Variants in LDLRAD4 observed in about 807,000 individuals in gnomAD.
LDLRAD4 encodes the protein low-density lipoprotein receptor class A domain-containing protein 4.
A neutral mutation model predicts 17.0 loss-of-function variants in LDLRAD4; 5 were observed. That is an observed-to-expected ratio of 0.29 (90% CI 0.15 to 0.62). The LOEUF (loss-of-function observed/expected upper bound fraction) is 0.62. Ranked by LOEUF, LDLRAD4 falls within the 20% of genes least tolerant of loss-of-function variation. The pLI is 0.84. For synonymous variants in LDLRAD4, 168 were observed against 171.8 expected, an observed-to-expected ratio of 0.98 and a Z score of 0.17; for missense variants, 340 against 424.7, an observed-to-expected ratio of 0.80 and a Z score of 1.75.
At position 13,312,698 on chromosome 18, in the gene LDLRAD4, C is replaced by T. The variant is rs1599326190; in HGVS notation, c.-383+34510C>T. On this transcript the variant is annotated intron_variant, in intron 1 of 5. Transcript: ENST00000359446. Reference sequence around the variant, plus strand: ...TCCAGACTGTAGTGAGCTGTGATCGCACCACCGCACTCCAGCCTGGGCAAC... The same window carrying T: ...TCCAGACTGTAGTGAGCTGTGATCGTACCACCGCACTCCAGCCTGGGCAAC... 3.3e-5 allele frequency among the ~76,000 whole-genome samples: 5 copies of T among 152,184 alleles called. No homozygotes were observed. The South Asian group carries it at 1.0e-3, about 32-fold the overall frequency.
At chr18:13,288,504 C>G (rs1049858267) in intron 1 of LDLRAD4, among the ~76,000 whole-genome samples, 1 of 152,186 alleles carries the variant, frequency 6.6e-6, no homozygotes, top group Non-Finnish European at 1.5e-5. Flanking sequence ...CTGAAAAATT[C>G]TATTTCAACA....
intron 3 of LDLRAD4, among the ~76,000 whole-genome samples, chr18:13,519,330 G>A (rs1035378083): frequency 1.3e-5 from 2 of 152,072 alleles, no homozygotes; most frequent in African/African-American, 4.8e-5. Context: ...CAACCTACGT[G>A]GCTCTCCCTG....
intron 1 of LDLRAD4, among the ~76,000 whole-genome samples, chr18:13,223,950 G>A (rs2041608993): frequency 6.6e-6 from 1 of 152,212 alleles, no homozygotes; most frequent in Admixed American, 6.5e-5. Context: ...CTGGGTCAGG[G>A]ATTCTTCATC....
intron 1 of LDLRAD4, among the ~76,000 whole-genome samples, chr18:13,244,111 A>G (rs988236074): frequency 7.3e-6 from 1 of 137,772 alleles, no homozygotes; most frequent in African/African-American, 2.8e-5. Context: ...CCATTCATCT[A>G]TCCACCATGA....
At chr18:13,435,095 G>T (rs1408140437) in intron 2 of LDLRAD4, among the ~76,000 whole-genome samples, 1 of 152,226 alleles carries the variant, frequency 6.6e-6, no homozygotes, top group Non-Finnish European at 1.5e-5. Flanking sequence ...CAATAATCTC[G>T]TGATTAGAGG....
intron 3 of LDLRAD4, among the ~76,000 whole-genome samples, chr18:13,548,117 T>C (rs555035032): frequency 6.6e-6 from 1 of 151,688 alleles, no homozygotes; most frequent in African/African-American, 2.4e-5. Context: ...AGACCCAGAG[T>C]GGGTGGCTCC....
intron 2 of LDLRAD4, among the ~76,000 whole-genome samples, chr18:13,414,180 A>T (rs755699233): frequency 2.0e-5 from 3 of 152,160 alleles, no homozygotes; most frequent in Non-Finnish European, 4.4e-5. Flanking sequence ...CTGCCTTAGC[A>T]GGCAAGACTC....
rs1466606091 is a variant in LDLRAD4, at chr18:13,314,930, G to A, written c.-383+36742G>A. On this transcript the variant is annotated intron_variant, in intron 1 of 5. Transcript: ENST00000359446. ...TGTTGTTGTAGAGATGTTCTCGTAC[G>A]TTGCCCAGGCTGGCCTCAAGGGATC... Among the ~76,000 whole-genome samples the A allele has an allele frequency of 8.5e-5, 13 of 152,144 alleles. 1 individual carries two copies. The highest frequency in any genetic ancestry group is 5.9e-4 in the Admixed American group (9 of 15,268).
At chr18:13,458,176 T>C (rs2092244606) in intron 3 of LDLRAD4, among the ~76,000 whole-genome samples, 1 of 152,140 alleles carries the variant, frequency 6.6e-6, no homozygotes, top group African/African-American at 2.4e-5. Flanking sequence ...AGGAGCCTGC[T>C]GCTGATGCTG....
chr18:13,581,131 C>G (rs1403804901), intron 3 of LDLRAD4, among the ~76,000 whole-genome samples: 4 of 152,090 alleles, frequency 2.6e-5, no homozygotes, highest in African/African-American at 9.7e-5. Context: ...ATACACATGG[C>G]CTGAAGGTAA....
chr18:13,248,926 T>A (rs1303768928), intron 1 of LDLRAD4, among the ~76,000 whole-genome samples: 3 of 152,234 alleles, frequency 2.0e-5, no homozygotes, highest in Non-Finnish European at 4.4e-5. Context: ...TCCCAACTTC[T>A]AGTATTCCCT....
intron 3 of LDLRAD4, among the ~76,000 whole-genome samples, chr18:13,586,008 A>G (rs960417868): frequency 6.6e-6 from 1 of 152,204 alleles, no homozygotes; most frequent in African/African-American, 2.4e-5. Flanking sequence ...CAAGCTAGCT[A>G]ATGTCACACA....
intron 1 of LDLRAD4, among the ~76,000 whole-genome samples, chr18:13,307,579 C>T (rs6650618): frequency 6.6e-6 from 1 of 152,030 alleles, no homozygotes; most frequent in Admixed American, 6.5e-5. Context: ...CCACTCCTGA[C>T]TAATTTTTAC....
intron 2 of LDLRAD4, among the ~76,000 whole-genome samples, chr18:13,394,230 GT>G (rs2145364185): frequency 6.6e-6 from 1 of 152,196 alleles, no homozygotes; most frequent in East Asian, 1.9e-4. Flanking sequence ...TATAATTTAT[GT>G]TGTTATTCCC....
chr18:13,290,292 C>G (rs757339202), intron 1 of LDLRAD4, among the ~76,000 whole-genome samples: 3 of 152,200 alleles, frequency 2.0e-5, no homozygotes, highest in Non-Finnish European at 4.4e-5. Context: ...TATCAGTTAA[C>G]CTTTTACATA....
chr18:13,335,981 A>G (rs750699458), intron 1 of LDLRAD4, among the ~76,000 whole-genome samples: 23 of 152,226 alleles, frequency 1.5e-4, no homozygotes, highest in Non-Finnish European at 2.5e-4. Context: ...CTGTACAAGA[A>G]GCATGGTGTC....
intron 3 of LDLRAD4, among the ~76,000 whole-genome samples, chr18:13,589,168 A>C (rs1307615768): frequency 2.0e-5 from 3 of 152,098 alleles, no homozygotes; most frequent in Admixed American, 6.5e-5. Context: ...TCCTGGCCTC[A>C]AGTGATCCAC....
In LDLRAD4 at chr18:13,644,853, C is replaced by T. The variant is rs76564181; in HGVS notation, c.391-274C>T. 6.1e-3 allele frequency: 2,691 copies of T among 440,626 alleles called. 65 individuals carry two copies. The highest frequency in any genetic ancestry group is 0.046 in the African/African-American group (2,283 of 49,834). 27.3% of individuals were successfully genotyped at this position (440,626 alleles called of 1,614,324 possible). A position where few individuals can be genotyped will look rare whatever the true frequency, so the allele number is the denominator to read the frequency against. ...CACACGTAGCACGCACAGAAACTCC[C>T]AGGAGCCCAAGCTTTCCATTACCCA... is the stretch of plus-strand genomic sequence containing the variant. On this transcript the variant is annotated intron_variant, in intron 5 of 5. Coordinates refer to ENST00000359446, the Ensembl canonical transcript of LDLRAD4.
At chr18:13,325,811 G>T (rs2081499948) in intron 1 of LDLRAD4, among the ~76,000 whole-genome samples, 1 of 151,460 alleles carries the variant, frequency 6.6e-6, no homozygotes, top group Non-Finnish European at 1.5e-5. Context: ...GGAGTGCAGT[G>T]GCGCAATCTC....
Sources: gnomAD v4.1 joint callset for allele counts (sites outside exome capture counted in the v4.1 genomes callset) on GRCh38, gnomAD v4.1.1 for gene constraint, MANE v1.5 for transcripts, NCBI Gene and HGNC (gene_info 2026-07-23, HGNC 2026-07-21) for gene names.